The following CA10 variants were observed in gnomAD, a reference collection of about 807,000 sequenced individuals.
The protein encoded by CA10 is carbonic anhydrase-related protein 10.
In CA10, 14 loss-of-function variants were observed where a neutral mutation model predicts 44.2. The observed-to-expected ratio is 0.32, with a 90% CI of 0.21 to 0.50. CA10 has a LOEUF of 0.50. CA10 is among the 20% of genes least tolerant of loss of function. The probability of loss-of-function intolerance (pLI) is 0.99; values close to 1 mark genes in which losing one functional copy is unlikely to be tolerated. For synonymous variants in CA10, 159 were observed against 141.6 expected (o/e 1.12, Z -0.87); for missense variants, 350 against 409.7 (o/e 0.85, Z 1.26).
chr17:51,834,535 G>T (rs1221983678), intron 3 of CA10, among the ~76,000 whole-genome samples: 5 of 152,194 alleles, frequency 3.3e-5, no homozygotes, highest in Admixed American at 2.0e-4. Context: ...CTCTTTAACT[G>T]CAGGTTCAGA....
At chr17:52,018,458 G>A (rs1221356740) in intron 2 of CA10, among the ~76,000 whole-genome samples, 1 of 152,128 alleles carries the variant, frequency 6.6e-6, no homozygotes, top group African/African-American at 2.4e-5. Flanking sequence ...GGAGATTATG[G>A]TGGAGATTTA....
At position 51,982,947 on chromosome 17, in the gene CA10, T is replaced by G. The variant is rs1156654688; in HGVS notation, c.137-51815A>C. Among the ~76,000 whole-genome samples the G allele has an allele frequency of 3.3e-5, 5 of 151,898 alleles. No homozygotes were observed. In the South Asian group the frequency reaches 8.3e-4, roughly 25 times the overall value. Reference sequence around the variant, plus strand: ...TCCTAAAATTAGATTAGGTGCCAACTTTATAAAGATAATTTCAGCTTAAGA... The same window carrying G: ...TCCTAAAATTAGATTAGGTGCCAACGTTATAAAGATAATTTCAGCTTAAGA... On this transcript the variant is annotated intron_variant, in intron 2 of 8. Coordinates refer to ENST00000451037, the MANE Select transcript of CA10 (RefSeq NM_020178.5).
chr17:51,652,178 A>C (rs1376932345), intron 5 of CA10, among the ~76,000 whole-genome samples: 3 of 152,214 alleles, frequency 2.0e-5, no homozygotes, highest in African/African-American at 4.8e-5. Context: ...GGGCTGTTAT[A>C]AGCGACATGA....
At chr17:51,708,812 G>A (rs974659195) in intron 4 of CA10, among the ~76,000 whole-genome samples, 10 of 152,226 alleles carry the variant, frequency 6.6e-5, no homozygotes, top group South Asian at 4.1e-4. Context: ...TCCTGCCCTT[G>A]AACGGCAGAC....
At chr17:51,696,657 T>A (rs1472141300) in intron 4 of CA10, among the ~76,000 whole-genome samples, 1 of 152,204 alleles carries the variant, frequency 6.6e-6, no homozygotes, top group African/African-American at 2.4e-5. Flanking sequence ...TTTTTCTAGT[T>A]CCTCTAGGTG....
intron 2 of CA10, among the ~76,000 whole-genome samples, chr17:51,989,973 T>A (rs938060662): frequency 3.3e-5 from 5 of 152,142 alleles, no homozygotes; most frequent in Admixed American, 6.6e-5. Flanking sequence ...ATAGATTATG[T>A]AACTTGCTCA....
At chr17:52,009,182 T>C (rs1488453427) in intron 2 of CA10, among the ~76,000 whole-genome samples, 2 of 151,916 alleles carry the variant, frequency 1.3e-5, no homozygotes, top group African/African-American at 4.8e-5. Context: ...ATAATTCAAT[T>C]TTGAAAGTTT....
At chr17:51,951,800 T>A (rs1419719606) in intron 2 of CA10, among the ~76,000 whole-genome samples, 1 of 152,168 alleles carries the variant, frequency 6.6e-6, no homozygotes, top group Non-Finnish European at 1.5e-5. Flanking sequence ...CAAGACAACC[T>A]CGTGGAACCT....
intron 2 of CA10, among the ~76,000 whole-genome samples, chr17:52,034,748 GA>G (rs772336772): frequency 1.3e-5 from 2 of 152,126 alleles, no homozygotes; most frequent in African/African-American, 2.4e-5. Context: ...ATGACTAAAT[GA>G]GTTAGTGTTT....
intron 1 of CA10, among the ~76,000 whole-genome samples, chr17:52,096,571 A>G (rs903279079): frequency 6.6e-6 from 1 of 152,198 alleles, no homozygotes; most frequent in Non-Finnish European, 1.5e-5. Flanking sequence ...GAATTACTAC[A>G]TATCAGATTC....
At chr17:52,035,919 G>C (rs1433594493) in intron 2 of CA10, among the ~76,000 whole-genome samples, 1 of 152,218 alleles carries the variant, frequency 6.6e-6, no homozygotes, top group Non-Finnish European at 1.5e-5. Context: ...AACAGGCCTT[G>C]GGTAGGATTT....
intron 1 of CA10, among the ~76,000 whole-genome samples, chr17:52,095,905 C>A (rs940943324): frequency 6.6e-6 from 1 of 152,048 alleles, no homozygotes; most frequent in Non-Finnish European, 1.5e-5. Context: ...AGGTGCTTAG[C>A]GCAGAAATTG....
intron 3 of CA10, among the ~76,000 whole-genome samples, chr17:51,835,256 C>G (rs1908432821): frequency 6.6e-6 from 1 of 152,102 alleles, no homozygotes; most frequent in African/African-American, 2.4e-5. Context: ...GCTGGGTACA[C>G]AAGGTGGGGC....
intron 4 of CA10, among the ~76,000 whole-genome samples, chr17:51,687,826 A>T (rs1915056480): frequency 6.6e-6 from 1 of 152,234 alleles, no homozygotes; most frequent in African/African-American, 2.4e-5. Flanking sequence ...ATAACCCAAT[A>T]AAGTTTCTAG....
At chr17:52,034,630 C>T (rs1244711509) in intron 2 of CA10, among the ~76,000 whole-genome samples, 1 of 152,090 alleles carries the variant, frequency 6.6e-6, no homozygotes, top group Non-Finnish European at 1.5e-5. Flanking sequence ...TGAGTCCAAT[C>T]CAGTCCAGCT....
At chr17:51,757,477 A>G (rs1010116841) in intron 3 of CA10, among the ~76,000 whole-genome samples, 2 of 152,220 alleles carry the variant, frequency 1.3e-5, no homozygotes, top group Admixed American at 6.5e-5. Context: ...GCAAACAAGT[A>G]GCAAACCCAA....
chr17:51,636,775 TTGTGTGTG>T (rs57428535), intron 6 of CA10, among the ~76,000 whole-genome samples: 17,491 of 146,544 alleles, frequency 0.12, 1,268 homozygotes, highest in Non-Finnish European at 0.16. Context: ...ACTGATTATT[TTGTGTGTG>T]TGTGTGTGTG....
At chr17:51,806,049 G>A (rs1005758154) in intron 3 of CA10, among the ~76,000 whole-genome samples, 1 of 152,226 alleles carries the variant, frequency 6.6e-6, no homozygotes, top group African/African-American at 2.4e-5. Flanking sequence ...TGCACTTAAT[G>A]AGCAAGGGTG....
At position 52,030,234 on chromosome 17, in the gene CA10, T is replaced by A. The variant is rs866944732; in HGVS notation, c.136+42085A>T. ...ATGGTTCTGGCCTTTAAAAACAGAT[T>A]TAAGAGGATGCATTTATCTTGACCT... On this transcript the variant is annotated intron_variant, in intron 2 of 8. Transcript: ENST00000451037. 1.2e-4 allele frequency among the ~76,000 whole-genome samples: 19 copies of A among 152,308 alleles called. No homozygotes were observed. The South Asian group carries it at 2.3e-3, about 18-fold the overall frequency.
Sources: allele counts gnomAD v4.1 joint callset (sites outside exome capture counted in the v4.1 genomes callset), GRCh38; gene constraint gnomAD v4.1.1; transcripts MANE v1.5; gene names NCBI Gene and HGNC (gene_info 2026-07-23, HGNC 2026-07-21).